AMMECR1: variants seen among roughly 807,000 people sequenced by gnomAD.
AMMECR1 encodes AMMECR nuclear protein 1, also known as nuclear protein AMMECR1.
AMMECR1 carries 3 observed loss-of-function variants against 22.5 expected under a neutral mutation model. That is an observed-to-expected ratio of 0.13 (90% CI 0.06 to 0.35). The LOEUF (loss-of-function observed/expected upper bound fraction) is 0.35, where lower values mean the gene tolerates loss of function less well. AMMECR1 is among the 10% of genes least tolerant of loss of function. The pLI is 1.00. For synonymous variants in AMMECR1, 130 were observed against 116.7 expected (o/e 1.11, Z -0.74); for missense variants, 235 against 278.7 (o/e 0.84, Z 1.12).
At chrX:110,325,399 T>G (rs1171761061) in intron 2 of AMMECR1, among the ~76,000 whole-genome samples, 3 of 112,108 alleles carry the variant, frequency 2.7e-5, no homozygotes, top group Admixed American at 9.5e-5. Flanking sequence ...CCATCTATAT[T>G]TTTATAGCCA....
chrX:110,401,169 C>G (rs2068561985), intron 2 of AMMECR1, among the ~76,000 whole-genome samples: 1 of 112,347 alleles, frequency 8.9e-6, no homozygotes, highest in African/African-American at 3.2e-5. Flanking sequence ...GGCTGCAAAG[C>G]TAGGATTTGA....
intron 1 of AMMECR1, among the ~76,000 whole-genome samples, chrX:110,316,897 T>C (rs1278353111): frequency 1.1e-5 from 1 of 87,433 alleles, no homozygotes. Flanking sequence ...ATCCAGACGG[T>C]GGAATGGAAA....
chrX:110,365,959 G>A (rs2068294443), intron 2 of AMMECR1, among the ~76,000 whole-genome samples: 1 of 111,557 alleles, frequency 9.0e-6, no homozygotes, highest in Admixed American at 9.5e-5. Context: ...GAAAACTAGG[G>A]AATTAGCTGT....
At chrX:110,329,404 T>C (rs1012814992) in intron 2 of AMMECR1, among the ~76,000 whole-genome samples, 1 of 112,120 alleles carries the variant, frequency 8.9e-6, no homozygotes, top group Admixed American at 9.5e-5. Flanking sequence ...TTCTCATCTT[T>C]ATAGGACCCA....
intron 2 of AMMECR1, among the ~76,000 whole-genome samples, chrX:110,416,401 T>C (rs767398611): frequency 4.5e-5 from 5 of 112,197 alleles, no homozygotes; most frequent in Non-Finnish European, 5.6e-5. Context: ...AAATGTTAGA[T>C]TATTTACTTC....
chrX:110,290,089 C>G (rs956015746), intron 1 of AMMECR1, among the ~76,000 whole-genome samples: 8 of 111,787 alleles, frequency 7.2e-5, no homozygotes, highest in African/African-American at 2.6e-4. Flanking sequence ...AGTGAACTCA[C>G]AGTACTTTGT....
chrX:110,432,169 T>TAAGGAAGGAG, intron 1 of AMMECR1, among the ~76,000 whole-genome samples: 1 of 112,278 alleles, frequency 8.9e-6, no homozygotes, highest in East Asian at 2.8e-4. Flanking sequence ...AGGGAGGGGC[T>TAAGGAAGGAG]AAGTGCCTAG....
chrX:110,409,988 G>A (rs2068630421), intron 2 of AMMECR1, among the ~76,000 whole-genome samples: 1 of 112,017 alleles, frequency 8.9e-6, no homozygotes, highest in African/African-American at 3.3e-5. Context: ...AATCCTCAGA[G>A]TCTGATTCAG....
intron 2 of AMMECR1, among the ~76,000 whole-genome samples, chrX:110,219,773 T>G (rs754302130): frequency 8.9e-6 from 1 of 112,376 alleles, no homozygotes; most frequent in Admixed American, 9.4e-5. Flanking sequence ...ATGGGAATAG[T>G]CTGATTTTAC....
chrX:110,332,891 TG>T (rs1158327767), intron 2 of AMMECR1, among the ~76,000 whole-genome samples: 1 of 111,460 alleles, frequency 9.0e-6, no homozygotes, highest in African/African-American at 3.3e-5. Flanking sequence ...CTACTTTTGC[TG>T]CCTTTTAGTG....
intron 2 of AMMECR1, among the ~76,000 whole-genome samples, chrX:110,414,599 C>T (rs1039018080): frequency 2.7e-5 from 3 of 113,053 alleles, no homozygotes; most frequent in South Asian, 3.6e-4. Context: ...CACTCACTAA[C>T]GTGACACAAT....
At chrX:110,351,949 C>T (rs2068212798) in intron 2 of AMMECR1, among the ~76,000 whole-genome samples, 1 of 112,081 alleles carries the variant, frequency 8.9e-6, no homozygotes, top group Non-Finnish European at 1.9e-5. Context: ...AAAGAAGATA[C>T]ACAAATGGCC....
Position 110,367,408 on chromosome X carries a change from C to T in AMMECR1, c.-147-49559G>A, listed in dbSNP as rs146145303. On this transcript the variant is annotated intron_variant, in intron 2 of 7. Transcript: ENST00000372057. ...ATTCATATCAAGGTCAACAATATCT[C>T]CTCAGTATTAAATTCAATGGTCATT... Among the ~76,000 whole-genome samples the T allele has an allele frequency of 9.7e-3, 1,086 of 111,948 alleles. 17 individuals carry two copies. The highest frequency in any genetic ancestry group is 0.034 in the African/African-American group (1,049 of 30,809).
chrX:110,268,447 T>C lies in AMMECR1; in HGVS notation c.474-3848A>G, dbSNP rs1409441405. Among the ~76,000 whole-genome samples the C allele has an allele frequency of 2.7e-5, 3 of 112,116 alleles. No homozygotes were observed. The East Asian group carries it at 8.4e-4, about 31-fold the overall frequency. ...CAACATATTTTATAAAGTACACGTG[T>C]ATGGAATTAAAAACAACTAAAATAC... On this transcript the variant is annotated intron_variant, in intron 1 of 5. Coordinates refer to ENST00000262844, the MANE Select transcript of AMMECR1 (RefSeq NM_015365.3).
At chrX:110,203,466 AAGTT>A (rs1375061855) in intron 3 of AMMECR1, among the ~76,000 whole-genome samples, 1 of 111,897 alleles carries the variant, frequency 8.9e-6, no homozygotes, top group Non-Finnish European at 1.9e-5. Flanking sequence ...TCAAAATTAA[AAGTT>A]CTTAACTTCT....
chrX:110,359,903 T>C (rs1284761093), intron 2 of AMMECR1, among the ~76,000 whole-genome samples: 1 of 112,120 alleles, frequency 8.9e-6, no homozygotes, highest in East Asian at 2.8e-4. Flanking sequence ...AGAAGGGTAC[T>C]TAGAACTTAG....
intron 1 of AMMECR1, among the ~76,000 whole-genome samples, chrX:110,430,361 T>C (rs1478905624): frequency 8.9e-6 from 1 of 112,643 alleles, no homozygotes; most frequent in African/African-American, 3.2e-5. Flanking sequence ...TCTAAGTGCT[T>C]TGTGTGTATT....
chrX:110,353,551 A>C (rs2068219072), intron 2 of AMMECR1, among the ~76,000 whole-genome samples: 1 of 112,034 alleles, frequency 8.9e-6, no homozygotes, highest in Admixed American at 9.5e-5. Context: ...TTTCCTTTTG[A>C]AATTTCCTTC....
At chrX:110,379,138 C>T (rs1302266260) in intron 2 of AMMECR1, among the ~76,000 whole-genome samples, 1 of 111,935 alleles carries the variant, frequency 8.9e-6, no homozygotes, top group Non-Finnish European at 1.9e-5. Flanking sequence ...CCACCCCCAT[C>T]TGCTTTTCAG....
Sources: gnomAD v4.1 joint callset for allele counts (sites outside exome capture counted in the v4.1 genomes callset) on GRCh38, gnomAD v4.1.1 for gene constraint, MANE v1.5 for transcripts, NCBI Gene and HGNC (gene_info 2026-07-23, HGNC 2026-07-21) for gene names.